The following MIB2 variants were observed in gnomAD, a reference collection of about 807,000 sequenced individuals.
MIB2 encodes MIB E3 ubiquitin protein ligase 2, also known as E3 ubiquitin-protein ligase MIB2.
A neutral mutation model predicts 96.6 loss-of-function variants in MIB2; 78 were observed. The observed-to-expected ratio is 0.81, with a 90% confidence interval of 0.67 to 0.97. The LOEUF (loss-of-function observed/expected upper bound fraction) is 0.97. Among genes scored for constraint, MIB2 ranks in the 50% least tolerant of loss-of-function variants. The pLI, the probability that MIB2 is intolerant of heterozygous loss-of-function variation, is 0.00. For synonymous variants in MIB2, 820 were observed against 629.5 expected (o/e 1.30, Z -4.53); for missense variants, 1,543 against 1,424.0 (o/e 1.08, Z -1.35).
Position 1,626,977 on chromosome 1 carries a change from C to G in MIB2, c.1218C>G (p.Ala406=). The change falls in exon 10 of 20, where the codon GCC becomes GCG. Residue 406 remains alanine (A), a synonymous_variant. Coordinates refer to ENST00000355826, the MANE Select transcript of MIB2 (RefSeq NM_001170687.4). The surrounding 1 kb of genome is among the most constrained non-coding windows in gnomAD (Gnocchi z 5.3). ...RPEEDANLDV[A]ERARENKSSL... ...AGGAGGATGCCAACCTGGACGTGGC[C>G]GAGCGCGCCCGGGAGAACAAAAGTG... The G allele has an allele frequency of 6.2e-7, 1 of 1,611,370 alleles. No homozygotes were observed. Among genetic ancestry groups the G allele is most frequent in the Non-Finnish European group, 8.5e-7 (1 of 1,179,408 alleles).
chr1:1,627,732 A>G lies in MIB2; in HGVS notation c.1583A>G (p.Asn528Ser). Residue 528 changes from asparagine to serine, a missense_variant, in exon 13 of 20, where the codon AAC becomes AGC. Physicochemically the swap from Asn to Ser is conservative, Grantham distance 46 (BLOSUM62 1). Coordinates refer to ENST00000355826, the MANE Select transcript of MIB2 (RefSeq NM_001170687.4). ...LSAGCRADAI[N>S]STQSTALHVA... is the part of the protein sequence containing the mutation. ...GCTGGGTGCCGGGCGGACGCCATCA[A>G]CAGCACCCAGAGCACAGCACTGCAC... 3 of 1,596,118 alleles carry G rather than the reference A, an allele frequency of 1.9e-6. No homozygotes were observed. The South Asian group carries it at 3.3e-5, about 18-fold the overall frequency.
In MIB2 at chr1:1,623,494, G is replaced by A; in HGVS notation, c.42G>A (p.Arg14=). Reference sequence around the variant, plus strand: ...AGGCGGGCGTGCAGGTGGGCATGCGGGTGGTGCGCGGCGTGGACTGGAAGT... The same window carrying A: ...AGGCGGGCGTGCAGGTGGGCATGCGAGTGGTGCGCGGCGTGGACTGGAAGT... ...DPQAGVQVGM[R]VVRGVDWKWG... is the part of the protein sequence containing the mutation. The change falls in exon 3 of 20, where the codon CGG becomes CGA. Residue 14 remains arginine, a synonymous_variant. Transcript: ENST00000355826. 6.4e-7 allele frequency: 1 copy of A among 1,573,746 alleles called. No individual in the cohort carries two copies. Among genetic ancestry groups the A allele is most frequent in the Non-Finnish European group, 8.6e-7 (1 of 1,162,292 alleles).
intron 3 of MIB2, 22 bp downstream of exon 3, chr1:1,623,721 G>A (rs746896809): frequency 2.6e-6 from 4 of 1,542,110 alleles, no homozygotes; most frequent in Non-Finnish European, 2.6e-6. Flanking sequence ...GGGCAGGCGG[G>A]ACGGGCAGGA....
Position 1,628,668 on chromosome 1 carries a change from C to G in MIB2, c.2148C>G (p.Pro716=). Residue 716 remains proline, a synonymous_variant, in exon 16 of 20, where the codon CCC becomes CCG. Transcript: ENST00000355826. ...CGCTGCAGCGTCATCAGCTGCTGCCCCTGGTGGCTGATGGGGCCGGGGGGG... is the reference window on the plus strand; with the variant it reads ...CGCTGCAGCGTCATCAGCTGCTGCCGCTGGTGGCTGATGGGGCCGGGGGGG... ...HVALQRHQLL[P]LVADGAGGDP... is the part of the protein sequence containing the mutation. 6.3e-7 allele frequency: 1 copy of G among 1,585,930 alleles called. No individual in the cohort carries two copies. The highest frequency in any genetic ancestry group is 8.6e-7 in the Non-Finnish European group (1 of 1,168,836).
chr1:1,628,844 G>C (rs183849232), intron 16 of MIB2, 122 bp downstream of exon 16: 4 of 949,134 alleles, frequency 4.2e-6, no homozygotes, highest in Non-Finnish European at 6.1e-6. Context: ...CAGGCGTTCT[G>C]GGGGTGGAGC....
intron 12 of MIB2, 36 bp from the exon 13 acceptor site, chr1:1,627,637 C>G: frequency 1.3e-6 from 2 of 1,570,966 alleles, no homozygotes; most frequent in Non-Finnish European, 1.7e-6. Flanking sequence ...GCCACCGGGC[C>G]CGGCGCCCTC....
rs749955923 is a variant in MIB2, at chr1:1,628,431, C to G, written c.1968+32C>G. 10 of 1,603,220 alleles carry G rather than the reference C, an allele frequency of 6.2e-6. No individual in the cohort carries two copies. In the South Asian group the frequency reaches 1.1e-4, roughly 18 times the overall value. On this transcript the variant is annotated intron_variant, in intron 15 of 19. Transcript: ENST00000355826. ...ACGCGGCCCAGTCCTGCCCAAGGAC[C>G]GGGGAGCGGGAGGCCCACTGGGGTC...
intron 2 of MIB2, chr1:1,617,504 G>A (rs1465841527): frequency 1.3e-5 from 2 of 152,222 alleles, no homozygotes; most frequent in Non-Finnish European, 2.9e-5. Context: ...GTCTGCTTGC[G>A]TGGTTAAGAC....
Position 1,629,681 on chromosome 1 carries a change from T to C in MIB2, c.2606T>C (p.Val869Ala). The C allele has an allele frequency of 6.3e-7, 1 of 1,599,402 alleles. No individual in the cohort carries two copies. Among genetic ancestry groups the C allele is most frequent in the Middle Eastern group, 1.7e-4 (1 of 6,008 alleles). ...RMKKCIRCQV[V>A]VSKKLRPDGS... ...AAGAAGTGCATCAGGTGCCAGGTGG[T>C]CGTCAGCAAGAAACTGCGCCCAGGT... The change falls in exon 19 of 20, where the codon GTC becomes GCC. Residue 869 changes from valine (V) to alanine (A), a missense_variant. By Grantham distance (64) the Val-to-Ala change is moderately conservative. Transcript: ENST00000355826.
Position 1,628,639 on chromosome 1 carries a change from G to C in MIB2, c.2119G>C (p.Val707Leu). The C allele has an allele frequency of 6.3e-7, 1 of 1,595,494 alleles. No individual in the cohort carries two copies. The highest frequency in any genetic ancestry group is 8.5e-7 in the Non-Finnish European group (1 of 1,174,516). ...CGAGGAGGGGGACACAGCCCTGCAC[G>C]TGGCGCTGCAGCGTCATCAGCTGCT... ...EDEEGDTALH[V>L]ALQRHQLLPL... is the part of the protein sequence containing the mutation. The change falls in exon 16 of 20, where the codon GTG (valine) becomes CTG (leucine). Residue 707 changes from valine to leucine, a missense_variant. Val to Leu is a conservative substitution (Grantham distance 32). Coordinates refer to ENST00000355826, the MANE Select transcript of MIB2 (RefSeq NM_001170687.4).
chr1:1,617,817 C>T (rs1206246215), intron 2 of MIB2: 6 of 152,212 alleles, frequency 3.9e-5, no homozygotes, highest in East Asian at 3.9e-4. Flanking sequence ...TTGCCTGCAG[C>T]GGGGTTCAGA....
chr1:1,614,123 G>C (rs1643403411), upstream of MIB2: 1 of 152,212 alleles, frequency 6.6e-6, no homozygotes, highest in Non-Finnish European at 1.5e-5. Flanking sequence ...TGAACAGCAG[G>C]TACTCAATCA....
Position 1,625,605 on chromosome 1 carries a change from G to C in MIB2, c.924G>C (p.Gln308His). ...CGGACCGCGGGGACGTGCGCGTGCA[G>C]TTCAACCACGAGACGCGCTGGACCT... The part of the protein sequence containing the change: ...RITDRGDVRV[Q>H]FNHETRWTFH... The change falls in exon 8 of 20, where the codon CAG becomes CAC. Residue 308 changes from glutamine (Q) to histidine (H), a missense_variant. Gln to His is a conservative substitution (Grantham distance 24, BLOSUM62 0). Transcript: ENST00000355826. The surrounding 1 kb of genome is among the most constrained non-coding windows in gnomAD (Gnocchi z 5.0). The C allele has an allele frequency of 6.3e-7, 1 of 1,580,032 alleles. No individual in the cohort carries two copies. The highest frequency in any genetic ancestry group is 2.3e-5 in the East Asian group (1 of 43,004).
chr1:1,615,805 C>T, intron 1 of MIB2, 172 bp downstream of exon 1: 2 of 1,311,446 alleles, frequency 1.5e-6, no homozygotes, highest in East Asian at 3.2e-5. Context: ...CGCGCAGCGC[C>T]GCCGCGGGGC....
At chr1:1,621,492 G>T (rs1327839329) in intron 2 of MIB2, among the ~76,000 whole-genome samples, 1 of 152,214 alleles carries the variant, frequency 6.6e-6, no homozygotes, top group Non-Finnish European at 1.5e-5. Context: ...CCCAGGCCTT[G>T]GTGCACATCT....
chr1:1,619,787 G>T (rs1211203582), intron 2 of MIB2, among the ~76,000 whole-genome samples: 2 of 152,240 alleles, frequency 1.3e-5, no homozygotes, highest in African/African-American at 4.8e-5. Flanking sequence ...AGTGAGGCCA[G>T]GGAGGAAGCC....
intron 2 of MIB2, among the ~76,000 whole-genome samples, chr1:1,621,481 G>A (rs1421594251): frequency 1.3e-5 from 2 of 152,234 alleles, no homozygotes; most frequent in Non-Finnish European, 2.9e-5. Context: ...GCCTGCCCTG[G>A]CCCAGGCCTT....
chr1:1,629,063 G>A, intron 16 of MIB2, 70 bp from the exon 17 acceptor site: 1 of 1,356,720 alleles, frequency 7.4e-7, no homozygotes, highest in Non-Finnish European at 9.5e-7. Context: ...GGGGCTGCCA[G>A]GTGCCAGGAG....
upstream of MIB2, chr1:1,614,885 C>A (rs1643450112): frequency 6.5e-6 from 1 of 152,674 alleles, no homozygotes; most frequent in Non-Finnish European, 1.5e-5. Context: ...CGTGGTAGCG[C>A]ATGCCTGTAG....
Sources: gnomAD v4.1 joint callset for allele counts (sites outside exome capture counted in the v4.1 genomes callset) on GRCh38, gnomAD v4.1.1 for gene constraint, Gnocchi (gnomAD v3.1) non-coding constraint, MANE v1.5 for transcripts, NCBI Gene and HGNC (gene_info 2026-07-23, HGNC 2026-07-21) for gene names.